CEP63: variants seen among roughly 807,000 people sequenced by gnomAD.
The protein encoded by CEP63 is centrosomal protein 63.
A neutral mutation model predicts 89.1 loss-of-function variants in CEP63; 84 were observed. The observed-to-expected ratio is 0.94, with a 90% CI of 0.79 to 1.13. CEP63 has a LOEUF of 1.13. Ranked by LOEUF, CEP63 falls within the 50% of genes most tolerant of loss-of-function variation. CEP63 has a pLI of 0.00. For synonymous variants in CEP63, 267 were observed against 272.5 expected (o/e 0.98, Z 0.20); for missense variants, 838 against 813.3 (o/e 1.03, Z -0.37).
the CEP63 span, among the ~76,000 whole-genome samples, chr3:134,663,549 G>T: frequency 6.6e-6 from 1 of 152,218 alleles, no homozygotes; most frequent in Non-Finnish European, 1.5e-5. Context: ...AACCCCGGGG[G>T]CCTTCTATTC....
the CEP63 span, among the ~76,000 whole-genome samples, chr3:134,763,487 T>C: frequency 6.6e-6 from 1 of 152,172 alleles, no homozygotes; most frequent in African/African-American, 2.4e-5. Context: ...TCAGTACATC[T>C]CACATTTATT....
At chr3:134,747,711 G>C in the CEP63 span, among the ~76,000 whole-genome samples, 79 of 152,342 alleles carry the variant, frequency 5.2e-4, no homozygotes, top group African/African-American at 1.8e-3. Flanking sequence ...GGAAGAAAGG[G>C]GGGGAGAGTT....
the CEP63 span, chr3:134,607,563 T>C: frequency 6.0e-4 from 588 of 985,518 alleles, no homozygotes; most frequent in Non-Finnish European, 6.7e-4. Flanking sequence ...TACAGGGCTG[T>C]GCAGCGTGCC....
chr3:134,545,962 AT>A, intron 7 of CEP63, 143 bp downstream of exon 7: 1 of 831,594 alleles, frequency 1.2e-6, no homozygotes, highest in East Asian at 2.7e-5. Flanking sequence ...AGTTTTACTA[AT>A]ATTGTGACTT....
the CEP63 span, among the ~76,000 whole-genome samples, chr3:134,698,838 C>G: frequency 6.6e-6 from 1 of 152,222 alleles, no homozygotes; most frequent in Non-Finnish European, 1.5e-5. Context: ...GTTTCACACA[C>G]CACTGGGATG....
chr3:134,747,604 G>A, the CEP63 span, among the ~76,000 whole-genome samples: 1 of 152,140 alleles, frequency 6.6e-6, no homozygotes, highest in South Asian at 2.1e-4. Context: ...CCCACCTTTA[G>A]TGCACCTTGT....
At chr3:134,542,080 T>C (rs904459368) in intron 6 of CEP63, among the ~76,000 whole-genome samples, 1 of 152,138 alleles carries the variant, frequency 6.6e-6, no homozygotes, top group Non-Finnish European at 1.5e-5. Context: ...AATTAAAATA[T>C]TAAGCCAACA....
At chr3:134,777,999 C>G in the CEP63 span, among the ~76,000 whole-genome samples, 1 of 152,008 alleles carries the variant, frequency 6.6e-6, no homozygotes, top group Non-Finnish European at 1.5e-5. Flanking sequence ...ACTATAGGAA[C>G]TATTACACAG....
chr3:134,769,913 C>A, the CEP63 span, among the ~76,000 whole-genome samples: 2 of 152,220 alleles, frequency 1.3e-5, no homozygotes, highest in African/African-American at 4.8e-5. Flanking sequence ...GGCCTAAGGG[C>A]AAGGAAGGTA....
At chr3:134,571,033 C>T (rs956130176) in intron 11 of CEP63, among the ~76,000 whole-genome samples, 1 of 152,238 alleles carries the variant, frequency 6.6e-6, no homozygotes, top group African/African-American at 2.4e-5. Flanking sequence ...GACCTGCCCC[C>T]ATGATTCAAC....
chr3:134,506,960 C>A (rs1283359133), intron 2 of CEP63, 149 bp from the exon 3 acceptor site: 9 of 275,436 alleles, frequency 3.3e-5, no homozygotes, highest in Non-Finnish European at 5.0e-5. Context: ...CAATCCTATT[C>A]TTTGCTTCTG....
chr3:134,736,519 AGTCAG>A, the CEP63 span, among the ~76,000 whole-genome samples: 36,848 of 152,180 alleles, frequency 0.24, 4,680 homozygotes, highest in African/African-American at 0.31. Context: ...AGCAATGAAT[AGTCAG>A]AAAATGCAAT....
the CEP63 span, among the ~76,000 whole-genome samples, chr3:134,660,029 A>C: frequency 6.6e-6 from 1 of 152,218 alleles, no homozygotes; most frequent in African/African-American, 2.4e-5. Flanking sequence ...GGTCCTTATT[A>C]AGTTGGAAAG....
chr3:134,587,891 A>C (rs1252301787), downstream of CEP63, among the ~76,000 whole-genome samples: 2 of 152,202 alleles, frequency 1.3e-5, no homozygotes, highest in Non-Finnish European at 2.9e-5. Flanking sequence ...AGTAAACCTA[A>C]GTAAAGATGT....
At chr3:134,518,844 T>C (rs931621927) in intron 3 of CEP63, among the ~76,000 whole-genome samples, 2 of 151,918 alleles carry the variant, frequency 1.3e-5, no homozygotes, top group Non-Finnish European at 2.9e-5. Flanking sequence ...AACAAATGTA[T>C]AAGAGGATGA....
chr3:134,565,580 A>G (rs558255819), downstream of CEP63, among the ~76,000 whole-genome samples: 152 of 152,318 alleles, frequency 1.0e-3, no homozygotes, highest in Middle Eastern at 3.4e-3. Context: ...AACAGTTTGA[A>G]ATAGTATAAA....
chr3:134,636,607 A>C, the CEP63 span, among the ~76,000 whole-genome samples: 6 of 152,378 alleles, frequency 3.9e-5, no homozygotes, highest in East Asian at 1.2e-3. Context: ...GACAACAAGC[A>C]CATGAGCAAG....
chr3:134,755,366 C>T, the CEP63 span, among the ~76,000 whole-genome samples: 1 of 152,200 alleles, frequency 6.6e-6, no homozygotes, highest in Non-Finnish European at 1.5e-5. Context: ...CCACAGCTCT[C>T]AGGTGATCAG....
the CEP63 span, among the ~76,000 whole-genome samples, chr3:134,684,723 G>T: frequency 6.6e-6 from 1 of 152,198 alleles, no homozygotes; most frequent in Non-Finnish European, 1.5e-5. Context: ...TTGCAAGGTG[G>T]TCTTCTGCAG....
Sources: gnomAD v4.1 joint callset for allele counts (sites outside exome capture counted in the v4.1 genomes callset) on GRCh38, gnomAD v4.1.1 for gene constraint, MANE v1.5 for transcripts, NCBI Gene and HGNC (gene_info 2026-07-23, HGNC 2026-07-21) for gene names.